TNC: variants seen among roughly 807,000 people sequenced by gnomAD.
TNC encodes tenascin.
A neutral mutation model predicts 202.4 loss-of-function variants in TNC; 109 were observed. That is an observed-to-expected ratio of 0.54 (90% CI 0.46 to 0.63). The LOEUF (loss-of-function observed/expected upper bound fraction) is 0.63. Among genes scored for constraint, TNC ranks in the 30% least tolerant of loss-of-function variants. The pLI is 0.00. For missense variants in TNC, 2,756 were observed against 2,833.3 expected, an observed-to-expected ratio of 0.97 and a Z score of 0.62; for synonymous variants, 1,007 against 1,089.7, an observed-to-expected ratio of 0.92 and a Z score of 1.50.
At chr9:115,030,460 CT>C in intron 23 of TNC, 55 bp from the exon 24 acceptor site, 1 of 1,543,256 alleles carries the variant, frequency 6.5e-7, no homozygotes, top group Non-Finnish European at 8.8e-7. Flanking sequence ...TGAGCTGGAG[CT>C]TAATTCTTAG....
Position 115,035,192 on chromosome 9 carries a change from T to C in TNC, c.5787+12A>G. Reference sequence around the variant, plus strand: ...CAACTAGCATTGAGGAGTTGTTATATACTTAAAATACCTTGACTGTGCCAT... The same window carrying C: ...CAACTAGCATTGAGGAGTTGTTATACACTTAAAATACCTTGACTGTGCCAT... On this transcript the variant is annotated intron_variant, in intron 22 of 27. Transcript: ENST00000350763. 2 of 1,601,392 alleles carry C rather than the reference T, an allele frequency of 1.2e-6. No homozygotes were observed. Among genetic ancestry groups the C allele is most frequent in the Non-Finnish European group, 1.7e-6 (2 of 1,174,680 alleles).
chr9:115,082,011 C>A (rs542697597), intron 5 of TNC, 83 bp from the exon 6 acceptor site: 4 of 1,328,248 alleles, frequency 3.0e-6, no homozygotes, highest in East Asian at 4.8e-5. Flanking sequence ...TGCATTCATT[C>A]ATTCCTCTGT....
At position 115,091,067 on chromosome 9, in the gene TNC, G is replaced by T. The variant is rs937997000; in HGVS notation, c.-49C>A. The stretch of plus-strand genomic sequence containing the variant: ...GCTGCTGGGGCTCTAGGGCTCTAGG[G>T]TATCTCACTTTCAGCAGAATTGGGG... On this transcript the variant is annotated 5_prime_UTR_variant, in exon 2 of 28. Coordinates refer to ENST00000350763, the MANE Select transcript of TNC (RefSeq NM_002160.4). 6 of 1,486,834 alleles carry T rather than the reference G, an allele frequency of 4.0e-6. No homozygotes were observed. Among genetic ancestry groups the T allele is most frequent in the Non-Finnish European group, 4.6e-6 (5 of 1,084,150 alleles). 92.1% of individuals were successfully genotyped at this position (1,486,834 alleles called of 1,614,324 possible).
chr9:115,026,782 A>G, intron 25 of TNC, 87 bp from the exon 26 acceptor site: 1 of 1,324,338 alleles, frequency 7.6e-7, no homozygotes. Flanking sequence ...GCAACTGGGT[A>G]CACTTAAGAC....
chr9:115,034,193 C>T (rs575524889), intron 22 of TNC, among the ~76,000 whole-genome samples: 1 of 152,156 alleles, frequency 6.6e-6, no homozygotes. Flanking sequence ...TCAAGGAGGC[C>T]GAGGTGCTAC....
intron 17 of TNC, among the ~76,000 whole-genome samples, chr9:115,043,685 C>A (rs1830945804): frequency 6.6e-6 from 1 of 152,162 alleles, no homozygotes; most frequent in South Asian, 2.1e-4. Context: ...ATGGGCCATA[C>A]TAGACTTTAA....
chr9:115,067,921 C>A (rs976127499), intron 10 of TNC, among the ~76,000 whole-genome samples: 5 of 151,530 alleles, frequency 3.3e-5, no homozygotes, highest in Admixed American at 3.3e-4. Flanking sequence ...GTAGTGGATG[C>A]TACGTGTGCC....
chr9:115,056,063 C>G (rs1289493270), intron 15 of TNC, among the ~76,000 whole-genome samples: 1 of 152,096 alleles, frequency 6.6e-6, no homozygotes, highest in East Asian at 1.9e-4. Context: ...GAGGACAGAC[C>G]CTCTCTCAAC....
rs1835643920 is a variant in TNC at position 115,095,546 on chromosome 9, GTATATATATGTA to G, written c.-136-4404_-136-4393del. On this transcript the variant is annotated intron_variant, in intron 1 of 27. Coordinates refer to ENST00000350763, the MANE Select transcript of TNC (RefSeq NM_002160.4). The stretch of plus-strand genomic sequence containing the variant: ...TATGTATATATATATGTATATATAT[GTATATATATGTA>G]TATATATGTATATATATGTATATAT... 2.5e-3 allele frequency among the ~76,000 whole-genome samples: 5 copies of G among 1,972 alleles called. 1 individual carries two copies. Among genetic ancestry groups the G allele is most frequent in the African/African-American group, 8.1e-3 (5 of 620 alleles). The allele number at this position is 1,972 out of a possible 152,430, so 1.3% of individuals were successfully genotyped here.
chr9:115,030,733 G>A (rs1829883018), intron 23 of TNC, among the ~76,000 whole-genome samples: 1 of 152,176 alleles, frequency 6.6e-6, no homozygotes, highest in South Asian at 2.1e-4. Context: ...CATAAGATCT[G>A]GCAAAGGGGA....
Position 115,062,947 on chromosome 9 carries a change from T to TG in TNC, c.4002dup (p.Thr1335HisfsTer23). On this transcript the variant is annotated frameshift_variant, in exon 13 of 28. Coordinates refer to ENST00000350763, the MANE Select transcript of TNC (RefSeq NM_002160.4). LOFTEE classifies it high-confidence loss of function. ...ACGACCTCTACAGCAAGGGGTCGAG[T>TG]GCTGTGGCCCCTGACCTCGCCGTGC... is the stretch of plus-strand genomic sequence containing the variant. 6.2e-7 allele frequency: 1 copy of TG among 1,613,848 alleles called. No homozygotes were observed. The highest frequency in any genetic ancestry group is 8.5e-7 in the Non-Finnish European group (1 of 1,179,926).
intron 1 of TNC, among the ~76,000 whole-genome samples, chr9:115,108,582 A>G (rs1836794593): frequency 1.3e-5 from 2 of 152,196 alleles, no homozygotes; most frequent in East Asian, 1.9e-4. Context: ...CTTTCTTCTT[A>G]GCAAATATCA....
chr9:115,024,680 A>G (rs1829343777), intron 26 of TNC, among the ~76,000 whole-genome samples: 1 of 152,242 alleles, frequency 6.6e-6, no homozygotes, highest in African/African-American at 2.4e-5. Flanking sequence ...TTTATTAGTC[A>G]TAATTAAGCC....
In TNC at chr9:115,092,742, T is replaced by A. The variant is rs1291657700; in HGVS notation, c.-136-1588A>T. ...GTGCACACTGCCATGCCTGGCTGAT[T>A]TTTTGTATTTTTTTTTTTTTTTTAG... is the stretch of plus-strand genomic sequence containing the variant. On this transcript the variant is annotated intron_variant, in intron 1 of 27. Transcript: ENST00000350763. Among the ~76,000 whole-genome samples the A allele has an allele frequency of 8.3e-5, 10 of 121,166 alleles. No individual in the cohort carries two copies. In the East Asian group the frequency reaches 1.9e-3, roughly 24 times the overall value. 79.5% of individuals were successfully genotyped at this position (121,166 alleles called of 152,430 possible). A position where few individuals can be genotyped will look rare whatever the true frequency, so the allele number is the denominator to read the frequency against.
At position 115,040,935 on chromosome 9, in the gene TNC, A is replaced by C; in HGVS notation, c.5392+6T>G. ...CACACACACACACACAACCCCACCA[A>C]CTCACCTGTGGTGAATGACCCTGAG... is the stretch of plus-strand genomic sequence containing the variant. On this transcript the variant is annotated splice_donor_region_variant and intron_variant, in intron 19 of 27. Coordinates refer to ENST00000350763, the MANE Select transcript of TNC (RefSeq NM_002160.4). The C allele has an allele frequency of 6.2e-7, 1 of 1,610,054 alleles. No homozygotes were observed. The highest frequency in any genetic ancestry group is 8.5e-7 in the Non-Finnish European group (1 of 1,177,910).
intron 17 of TNC, among the ~76,000 whole-genome samples, chr9:115,045,508 G>A (rs970890792): frequency 3.3e-5 from 5 of 151,370 alleles, no homozygotes; most frequent in African/African-American, 4.9e-5. Context: ...CTGGTACTAC[G>A]GGCATGAGGC....
intron 15 of TNC, among the ~76,000 whole-genome samples, chr9:115,050,499 G>A (rs1831566193): frequency 6.6e-6 from 1 of 152,092 alleles, no homozygotes; most frequent in Admixed American, 6.5e-5. Context: ...AAATTACCAT[G>A]TTCTGCATTT....
rs1588034264 is a variant in TNC at position 115,040,836 on chromosome 9, C to T, written c.5392+105G>A. On this transcript the variant is annotated intron_variant, in intron 19 of 27. Transcript: ENST00000350763. ...TAAAACCCCCCTTTTTTTCCAGCTG[C>T]TGAGTCATGAGCTACAAGGCTGAAG... The T allele has an allele frequency of 3.6e-6, 5 of 1,399,628 alleles. No individual in the cohort carries two copies. In the East Asian group the frequency reaches 7.4e-5, roughly 21 times the overall value. The allele number at this position is 1,399,628 out of a possible 1,614,324, so 86.7% of individuals were successfully genotyped here. A position where few individuals can be genotyped will look rare whatever the true frequency, so the allele number is the denominator to read the frequency against.
intron 22 of TNC, among the ~76,000 whole-genome samples, chr9:115,034,148 A>C (rs539330837): frequency 1.3e-5 from 2 of 152,350 alleles, no homozygotes; most frequent in African/African-American, 4.8e-5. Flanking sequence ...TGAGCCAGAG[A>C]GGAAGTCCGG....
Sources: allele counts gnomAD v4.1 joint callset (sites outside exome capture counted in the v4.1 genomes callset), GRCh38; gene constraint gnomAD v4.1.1; transcripts MANE v1.5; gene names NCBI Gene and HGNC (gene_info 2026-07-23, HGNC 2026-07-21).